RELN: variants seen among roughly 807,000 people sequenced by gnomAD.
The protein encoded by RELN is reelin.
In RELN, 108 loss-of-function variants were observed where a neutral mutation model predicts 427.6. That is an observed-to-expected ratio of 0.25 (90% CI 0.22 to 0.30). The LOEUF (loss-of-function observed/expected upper bound fraction) is 0.30, where lower values mean the gene tolerates loss of function less well. Ranked by LOEUF, RELN falls within the 10% of genes least tolerant of loss-of-function variation. The pLI, the probability that RELN is intolerant of heterozygous loss-of-function variation, is 1.00. For synonymous variants in RELN, 1,524 were observed against 1,513.4 expected, an observed-to-expected ratio of 1.01 and a Z score of -0.16; for missense variants, 3,715 against 4,302.8, an observed-to-expected ratio of 0.86 and a Z score of 3.82.
chr7:103,865,132 C>CAAA lies in RELN; in HGVS notation c.338-31463_338-31461dup, dbSNP rs386410871. On this transcript the variant is annotated intron_variant, in intron 2 of 64. Coordinates refer to ENST00000428762, the MANE Select transcript of RELN (RefSeq NM_005045.4). Reference sequence around the variant, plus strand: ...CTGGCCAACAAGAGGGAAACTGTCTCAAAAAAAAAAAAAAAAAAAAAAAGA... The same window carrying CAAA: ...CTGGCCAACAAGAGGGAAACTGTCTCAAAAAAAAAAAAAAAAAAAAAAAAAAGA... Among the ~76,000 whole-genome samples the CAAA allele has an allele frequency of 2.3e-3, 157 of 67,056 alleles. 1 individual carries two copies. Among genetic ancestry groups the CAAA allele is most frequent in the African/African-American group, 5.4e-3 (85 of 15,676 alleles). The allele number at this position is 67,056 out of a possible 152,430, so 44.0% of individuals were successfully genotyped here.
At chr7:103,578,778 T>C (rs2117215417) in intron 28 of RELN, among the ~76,000 whole-genome samples, 1 of 152,320 alleles carries the variant, frequency 6.6e-6, no homozygotes, top group Admixed American at 6.5e-5. Context: ...TAAGTATGTC[T>C]CAATTCTATA....
chr7:103,813,016 A>C (rs1792780623), intron 3 of RELN, among the ~76,000 whole-genome samples: 1 of 152,090 alleles, frequency 6.6e-6, no homozygotes, highest in Non-Finnish European at 1.5e-5. Context: ...CTTATTCTTC[A>C]TCGGTTTTTT....
chr7:103,676,257 G>C (rs1833521343), intron 11 of RELN, among the ~76,000 whole-genome samples: 1 of 152,170 alleles, frequency 6.6e-6, no homozygotes, highest in African/African-American at 2.4e-5. Flanking sequence ...CTCAAAAGAA[G>C]ATGTTTATGC....
chr7:103,757,140 G>A (rs1584468864), intron 4 of RELN, among the ~76,000 whole-genome samples: 1 of 152,098 alleles, frequency 6.6e-6, no homozygotes, highest in East Asian at 1.9e-4. Context: ...TACCTGCCTT[G>A]CCTCATACTA....
intron 1 of RELN, among the ~76,000 whole-genome samples, chr7:103,928,877 C>T (rs1489601952): frequency 6.6e-6 from 1 of 152,170 alleles, no homozygotes; most frequent in Non-Finnish European, 1.5e-5. Flanking sequence ...AACAAGGTCA[C>T]TGTATGTTCT....
intron 5 of RELN, among the ~76,000 whole-genome samples, chr7:103,749,809 G>T (rs1230122272): frequency 6.6e-6 from 1 of 152,162 alleles, no homozygotes; most frequent in Non-Finnish European, 1.5e-5. Context: ...GGCTATTCGG[G>T]ACTTGTCTTC....
intron 3 of RELN, among the ~76,000 whole-genome samples, chr7:103,811,983 G>C (rs1443121193): frequency 1.1e-4 from 16 of 152,218 alleles, no homozygotes; most frequent in Admixed American, 1.0e-3. Context: ...AAGCTGGTGA[G>C]AATGATGCTA....
intron 4 of RELN, among the ~76,000 whole-genome samples, chr7:103,755,078 G>C (rs894558741): frequency 2.0e-5 from 3 of 152,136 alleles, no homozygotes; most frequent in Admixed American, 6.5e-5. Context: ...TTTCAAGAAG[G>C]TTAGCTGCAA....
intron 51 of RELN, 82 bp from the exon 52 acceptor site, chr7:103,503,312 C>T: frequency 8.5e-7 from 1 of 1,173,048 alleles, no homozygotes; most frequent in Non-Finnish European, 1.3e-6. Flanking sequence ...AAAAAAGCTG[C>T]TGATCACTTG....
intron 2 of RELN, among the ~76,000 whole-genome samples, chr7:103,846,894 C>A (rs117584375): frequency 6.6e-6 from 1 of 152,108 alleles, no homozygotes; most frequent in East Asian, 1.9e-4. Flanking sequence ...CCAGTTAGAA[C>A]GGCGATCATT....
chr7:103,980,861 A>T (rs1352805594), intron 1 of RELN, among the ~76,000 whole-genome samples: 1 of 152,178 alleles, frequency 6.6e-6, no homozygotes, highest in Non-Finnish European at 1.5e-5. Context: ...ACTTTTTCTA[A>T]GAGCTTAGAA....
At chr7:103,934,076 C>T (rs1293405788) in intron 1 of RELN, among the ~76,000 whole-genome samples, 2 of 151,800 alleles carry the variant, frequency 1.3e-5, no homozygotes, top group African/African-American at 4.8e-5. Context: ...TACCATGACA[C>T]TGTGGAATTT....
chr7:103,800,661 T>C (rs902202838), intron 3 of RELN, among the ~76,000 whole-genome samples: 4 of 152,132 alleles, frequency 2.6e-5, no homozygotes, highest in Non-Finnish European at 4.4e-5. Context: ...ATTCAGGACA[T>C]AGGCATGGGC....
intron 46 of RELN, among the ~76,000 whole-genome samples, chr7:103,526,999 C>T (rs1012620922): frequency 1.3e-5 from 2 of 152,252 alleles, no homozygotes; most frequent in Admixed American, 1.3e-4. Context: ...TTCCCATCTA[C>T]AGTATGTAGT....
At chr7:103,503,845 C>A (rs2117041608) in intron 51 of RELN, among the ~76,000 whole-genome samples, 1 of 145,760 alleles carries the variant, frequency 6.9e-6, no homozygotes, top group South Asian at 2.2e-4. Context: ...CTAATCATGC[C>A]TTTGTTTTCT....
chr7:103,877,314 T>A (rs567901763), intron 2 of RELN, among the ~76,000 whole-genome samples: 2 of 152,300 alleles, frequency 1.3e-5, no homozygotes, highest in South Asian at 4.1e-4. Context: ...TCCATTTGAA[T>A]ATCCCAACAT....
chr7:103,787,530 C>A (rs1254682519), intron 3 of RELN, among the ~76,000 whole-genome samples: 3 of 152,116 alleles, frequency 2.0e-5, no homozygotes, highest in Non-Finnish European at 2.9e-5. Flanking sequence ...GAAATACAAA[C>A]TACCATCAGA....
intron 45 of RELN, among the ~76,000 whole-genome samples, chr7:103,536,329 C>G (rs1046561517): frequency 6.6e-6 from 1 of 152,170 alleles, no homozygotes; most frequent in African/African-American, 2.4e-5. Flanking sequence ...ATTTCTCTCT[C>G]CCTATTCACT....
intron 1 of RELN, among the ~76,000 whole-genome samples, chr7:103,941,961 TAATA>T (rs890210707): frequency 1.3e-5 from 2 of 151,102 alleles, no homozygotes; most frequent in African/African-American, 4.8e-5. Flanking sequence ...ATTTACTATA[TAATA>T]AATTATATGT....
Sources: allele counts gnomAD v4.1 joint callset (sites outside exome capture counted in the v4.1 genomes callset), GRCh38; gene constraint gnomAD v4.1.1; transcripts MANE v1.5; gene names NCBI Gene and HGNC (gene_info 2026-07-23, HGNC 2026-07-21).